Variants in SEPTIN9 observed in about 807,000 individuals in gnomAD.
SEPTIN9 encodes the protein septin-9.
A neutral mutation model predicts 56.6 loss-of-function variants in SEPTIN9; 13 were observed. That is an observed-to-expected ratio of 0.23 (90% confidence interval 0.15 to 0.37). The LOEUF is 0.37. SEPTIN9 is among the 10% of genes least tolerant of loss of function. SEPTIN9 has a pLI of 1.00. For missense variants in SEPTIN9, 650 were observed against 823.1 expected (o/e 0.79, Z 2.57); for synonymous variants, 332 against 334.1 (o/e 0.99, Z 0.07).
At chr17:77,495,944 G>A (rs576578982) in intron 10 of SEPTIN9, among the ~76,000 whole-genome samples, 11 of 152,296 alleles carry the variant, frequency 7.2e-5, no homozygotes, top group South Asian at 4.1e-4. Flanking sequence ...TCTGCATCCC[G>A]CTCCAGCCTT....
rs58416802 is a variant in SEPTIN9, at chr17:77,436,290, G to A, written c.721+33587G>A. ...GGTGGGCGGGGACACAGCGCTGTTC[G>A]GCACAGTCCCCTCTGAGCCACCCTG... is the stretch of plus-strand genomic sequence containing the variant. On this transcript the variant is annotated intron_variant, in intron 3 of 11. Coordinates refer to ENST00000427177, the MANE Select transcript of SEPTIN9 (RefSeq NM_001113491.2). This position sits in a 1 kb window ranked among gnomAD's most constrained non-coding sequence, Gnocchi z 4.4. Among the ~76,000 whole-genome samples the A allele has an allele frequency of 0.029, 4,410 of 152,232 alleles. 199 individuals are homozygous for A. Among genetic ancestry groups the A allele is most frequent in the African/African-American group, 0.096 (4,005 of 41,530 alleles).
rs2036689758 is a variant in SEPTIN9 at position 77,421,200 on chromosome 17, A to T, written c.721+18497A>T. Among the ~76,000 whole-genome samples, 1 of 152,154 alleles carries T rather than the reference A, an allele frequency of 6.6e-6. No individual in the cohort carries two copies. Among genetic ancestry groups the T allele is most frequent in the Non-Finnish European group, 1.5e-5 (1 of 68,016 alleles). On this transcript the variant is annotated intron_variant, in intron 3 of 11. Coordinates refer to ENST00000427177, the MANE Select transcript of SEPTIN9 (RefSeq NM_001113491.2). This position sits in a 1 kb window ranked among gnomAD's most constrained non-coding sequence, Gnocchi z 4.6. ...CCAGCTCTTTCCTGTGTAAGGCGCC[A>T]TGGGGTGAAATGAAAGAAAACCCCA...
At chr17:77,477,819 A>T (rs924756159) in intron 3 of SEPTIN9, among the ~76,000 whole-genome samples, 2 of 152,192 alleles carry the variant, frequency 1.3e-5, no homozygotes, top group Non-Finnish European at 2.9e-5. Flanking sequence ...GTGACGTGTC[A>T]GTTACTGTCC....
rs1568054412 is a variant in SEPTIN9, at chr17:77,419,366, C to CT, written c.721+16663_721+16664insT. ...TAACAGGCCCGTGGTCAGCAGCAGC[C>CT]GCCGCAGGGACCCCGGCGCTGTACC... On this transcript the variant is annotated intron_variant, in intron 3 of 11. Transcript: ENST00000427177. Among the ~76,000 whole-genome samples, 980 of 137,294 alleles carry CT rather than the reference C, an allele frequency of 7.1e-3. 14 individuals are homozygous for CT. Among genetic ancestry groups the CT allele is most frequent in the African/African-American group, 0.025 (930 of 36,906 alleles). 90.1% of individuals were successfully genotyped at this position (137,294 alleles called of 152,430 possible). A position where few individuals can be genotyped will look rare whatever the true frequency, so the allele number is the denominator to read the frequency against.
intron 1 of SEPTIN9, 51 bp downstream of exon 1, chr17:77,281,605 T>G (rs1420602084): frequency 3.1e-5 from 47 of 1,503,460 alleles, no homozygotes; most frequent in Non-Finnish European, 4.2e-5. Flanking sequence ...GGACCAGCGC[T>G]GCTCACCTGA....
rs559637959 is a variant in SEPTIN9, at chr17:77,459,038, G to A, written c.722-23106G>A. ...GGCCATGGGCCCATGCGTCCAGGAG[G>A]TGGAGGCAGTGAACGGGGCCACGGT... On this transcript the variant is annotated intron_variant, in intron 3 of 11. Coordinates refer to ENST00000427177, the MANE Select transcript of SEPTIN9 (RefSeq NM_001113491.2). Among the ~76,000 whole-genome samples, 11 of 152,348 alleles carry A rather than the reference G, an allele frequency of 7.2e-5. No individual in the cohort carries two copies. In the East Asian group the frequency reaches 1.7e-3, roughly 24 times the overall value.
rs546212781 is a variant in SEPTIN9, at chr17:77,321,548, C to T, written c.76+14351C>T. Among the ~76,000 whole-genome samples the T allele has an allele frequency of 5.3e-5, 8 of 152,178 alleles. No homozygotes were observed. In the South Asian group the frequency reaches 1.7e-3, roughly 32 times the overall value. On this transcript the variant is annotated intron_variant, in intron 2 of 11. Coordinates refer to ENST00000427177, the MANE Select transcript of SEPTIN9 (RefSeq NM_001113491.2). ...CCAAGCAGCTGGGACTATAGGCGCC[C>T]GCCATATTTTTTTGTATTTTTAGTA...
chr17:77,472,319 G>A (rs1443986286), intron 3 of SEPTIN9: 1 of 152,236 alleles, frequency 6.6e-6, no homozygotes, highest in Non-Finnish European at 1.5e-5. Flanking sequence ...CCACAATAGA[G>A]GAGAGGTTTG....
rs190042460 is a variant in SEPTIN9 at position 77,334,353 on chromosome 17, C to T, written c.76+27156C>T. Among the ~76,000 whole-genome samples, 940 of 143,364 alleles carry T rather than the reference C, an allele frequency of 6.6e-3. 4 individuals carry two copies. Among genetic ancestry groups the T allele is most frequent in the Non-Finnish European group, 0.011 (715 of 66,978 alleles). The allele number at this position is 143,364 out of a possible 152,430, so 94.1% of individuals were successfully genotyped here. On this transcript the variant is annotated intron_variant, in intron 2 of 11. Transcript: ENST00000427177. ...AGGAAAATGGTGTGAACCTGGGAGG[C>T]GGAGCTTGCAGTGAGCCGAGATTGC... is the stretch of plus-strand genomic sequence containing the variant.
chr17:77,306,383 C>T (rs1417806981), intron 1 of SEPTIN9, among the ~76,000 whole-genome samples: 2 of 152,208 alleles, frequency 1.3e-5, no homozygotes, highest in African/African-American at 4.8e-5. Flanking sequence ...CGCCTGTGCT[C>T]CCAGGGCCGC....
rs146697204 is a variant in SEPTIN9, at chr17:77,452,673, C to T, written c.722-29471C>T. ...GGTTTGGATCCCACATGAGAAAACCCGTTGGAAGAGGAGGAAGCAGAAAAA... is the reference window on the plus strand; with the variant it reads ...GGTTTGGATCCCACATGAGAAAACCTGTTGGAAGAGGAGGAAGCAGAAAAA... On this transcript the variant is annotated intron_variant, in intron 3 of 11. Coordinates refer to ENST00000427177, the MANE Select transcript of SEPTIN9 (RefSeq NM_001113491.2). 6.6e-5 allele frequency among the ~76,000 whole-genome samples: 10 copies of T among 152,014 alleles called. No individual in the cohort carries two copies. The East Asian group carries it at 1.4e-3, about 21-fold the overall frequency.
At chr17:77,396,211 A>G (rs924136985) in intron 2 of SEPTIN9, among the ~76,000 whole-genome samples, 2 of 152,152 alleles carry the variant, frequency 1.3e-5, no homozygotes, top group African/African-American at 2.4e-5. Context: ...CTGGCTCCGC[A>G]TCTTTCTGAC....
intron 2 of SEPTIN9, among the ~76,000 whole-genome samples, chr17:77,332,746 A>G (rs2033412302): frequency 6.6e-6 from 1 of 151,984 alleles, no homozygotes; most frequent in Admixed American, 6.6e-5. Flanking sequence ...CCACGAAATA[A>G]TTTTGCCAGT....
At chr17:77,482,421 C>G (rs1466686218) in intron 4 of SEPTIN9, 86 bp downstream of exon 4, 2 of 1,370,454 alleles carry the variant, frequency 1.5e-6, no homozygotes, top group South Asian at 2.4e-5. Flanking sequence ...TGGGCTTGGT[C>G]TTCCCTTCTG....
chr17:77,460,952 A>G (rs986325512), intron 3 of SEPTIN9, among the ~76,000 whole-genome samples: 1 of 152,112 alleles, frequency 6.6e-6, no homozygotes, highest in Non-Finnish European at 1.5e-5. Context: ...TTCTTTATTT[A>G]AAAGGGTCAT....
At chr17:77,361,671 C>T (rs1478462472) in intron 2 of SEPTIN9, among the ~76,000 whole-genome samples, 4 of 150,584 alleles carry the variant, frequency 2.7e-5, no homozygotes, top group African/African-American at 9.8e-5. Flanking sequence ...CTCGCTCTTT[C>T]GCCCAGGCTG....
At chr17:77,309,728 C>T (rs943211637) in intron 2 of SEPTIN9, among the ~76,000 whole-genome samples, 2 of 148,740 alleles carry the variant, frequency 1.3e-5, no homozygotes, top group Non-Finnish European at 1.5e-5. Context: ...AGCTCACACA[C>T]TTTCTTTCCT....
intron 2 of SEPTIN9, among the ~76,000 whole-genome samples, chr17:77,361,182 C>T (rs1302177384): frequency 1.3e-5 from 2 of 152,174 alleles, no homozygotes; most frequent in African/African-American, 4.8e-5. Context: ...CCTTGGCCTC[C>T]CAAAGTGCTG....
intron 1 of SEPTIN9, among the ~76,000 whole-genome samples, chr17:77,290,289 G>A (rs967131347): frequency 1.5e-4 from 22 of 144,956 alleles, no homozygotes; most frequent in African/African-American, 5.0e-4. Context: ...ATGGAGTCTC[G>A]CTCTGTTGCC....
Sources: gnomAD v4.1 joint callset for allele counts (sites outside exome capture counted in the v4.1 genomes callset) on GRCh38, gnomAD v4.1.1 for gene constraint, Gnocchi (gnomAD v3.1) non-coding constraint, MANE v1.5 for transcripts, NCBI Gene and HGNC (gene_info 2026-07-23, HGNC 2026-07-21) for gene names.